SGCZ: variants seen among roughly 807,000 people sequenced by gnomAD.
SGCZ encodes sarcoglycan zeta.
A neutral mutation model predicts 41.3 loss-of-function variants in SGCZ; 40 were observed. The observed-to-expected ratio is 0.97, with a 90% confidence interval of 0.75 to 1.26. SGCZ has a LOEUF of 1.26. SGCZ is among the 50% of genes most tolerant of loss of function. The pLI is 0.00. For synonymous variants in SGCZ, 206 were observed against 137.5 expected (o/e 1.50, Z -3.49); for missense variants, 552 against 369.8 (o/e 1.49, Z -4.04).
chr8:15,216,223 CTTTT>C (rs34383864), intron 1 of SGCZ, among the ~76,000 whole-genome samples: 1 of 125,934 alleles, frequency 7.9e-6, no homozygotes, highest in African/African-American at 3.0e-5. Flanking sequence ...CTTTTTTTTT[CTTTT>C]TTTTTTTTTT....
At chr8:14,816,981 TTTCA>T (rs1394426001) in intron 1 of SGCZ, among the ~76,000 whole-genome samples, 2 of 152,044 alleles carry the variant, frequency 1.3e-5, no homozygotes, top group Non-Finnish European at 2.9e-5. Context: ...GATACCAGAG[TTTCA>T]TTAAGAAACT....
chr8:14,790,058 G>A (rs1800898155), intron 1 of SGCZ, among the ~76,000 whole-genome samples: 1 of 152,038 alleles, frequency 6.6e-6, no homozygotes, highest in Admixed American at 6.6e-5. Context: ...CATATCAAAT[G>A]CCTTAGAAAA....
chr8:15,038,814 C>CAAAAAAAAAAAAAAA (rs58922339), intron 1 of SGCZ, among the ~76,000 whole-genome samples: 1 of 93,074 alleles, frequency 1.1e-5, no homozygotes, highest in Non-Finnish European at 2.2e-5. Flanking sequence ...TGACATTTCT[C>CAAAAAAAAAAAAAAA]AAAAAAAAAA....
chr8:14,876,738 TAAGA>T (rs1460217682), intron 1 of SGCZ, among the ~76,000 whole-genome samples: 4 of 152,100 alleles, frequency 2.6e-5, no homozygotes, highest in Non-Finnish European at 5.9e-5. Flanking sequence ...GAAACAGAAT[TAAGA>T]GAGAGGCAAG....
intron 2 of SGCZ, among the ~76,000 whole-genome samples, chr8:14,491,283 A>ACC (rs1801835504): frequency 9.2e-6 from 1 of 108,206 alleles, no homozygotes; most frequent in Non-Finnish European, 2.0e-5. Context: ...CCACCCACCC[A>ACC]CACACACACA....
intron 2 of SGCZ, among the ~76,000 whole-genome samples, chr8:14,507,210 T>C (rs1054109805): frequency 1.2e-4 from 18 of 151,498 alleles, no homozygotes; most frequent in African/African-American, 4.1e-4. Context: ...ATTCAAATAC[T>C]GCATAAGTAT....
intron 1 of SGCZ, among the ~76,000 whole-genome samples, chr8:14,695,831 C>T (rs777461075): frequency 3.3e-5 from 5 of 151,848 alleles, no homozygotes; most frequent in Non-Finnish European, 7.4e-5. Context: ...TGATGATTAA[C>T]ATATAATAAA....
intron 1 of SGCZ, among the ~76,000 whole-genome samples, chr8:15,220,630 A>C (rs1201576274): frequency 6.6e-6 from 1 of 152,176 alleles, no homozygotes; most frequent in Non-Finnish European, 1.5e-5. Flanking sequence ...CTAGAACTGG[A>C]AATACCATTT....
intron 1 of SGCZ, among the ~76,000 whole-genome samples, chr8:15,217,875 G>A (rs577486839): frequency 2.0e-5 from 3 of 152,258 alleles, no homozygotes; most frequent in Non-Finnish European, 4.4e-5. Flanking sequence ...ATCACTTGAG[G>A]TGAGGAGTTA....
intron 2 of SGCZ, among the ~76,000 whole-genome samples, chr8:14,469,389 T>G (rs545677373): frequency 6.6e-5 from 10 of 152,174 alleles, no homozygotes; most frequent in African/African-American, 2.2e-4. Flanking sequence ...TCAAATCCAA[T>G]CCCTCTCACA....
chr8:14,473,934 T>C (rs1371517251), intron 2 of SGCZ, among the ~76,000 whole-genome samples: 1 of 38,094 alleles, frequency 2.6e-5, no homozygotes, highest in Non-Finnish European at 5.4e-5. Flanking sequence ...CAAGACCCTG[T>C]CTCAAAAAAA....
intron 3 of SGCZ, among the ~76,000 whole-genome samples, chr8:14,314,658 G>C (rs1219271134): frequency 6.6e-6 from 1 of 152,132 alleles, no homozygotes; most frequent in Non-Finnish European, 1.5e-5. Flanking sequence ...AATGGTTTCA[G>C]TGTTTTCATC....
chr8:14,848,236 G>A (rs943113689), intron 1 of SGCZ, among the ~76,000 whole-genome samples: 13 of 152,110 alleles, frequency 8.5e-5, no homozygotes, highest in Non-Finnish European at 1.8e-4. Context: ...AGCCATAGCT[G>A]GTGTTAATGG....
At chr8:14,615,670 G>GT (rs1364523125) in intron 1 of SGCZ, among the ~76,000 whole-genome samples, 1 of 152,164 alleles carries the variant, frequency 6.6e-6, no homozygotes, top group African/African-American at 2.4e-5. Flanking sequence ...AGACAAAATT[G>GT]TAAGTATTAA....
intron 1 of SGCZ, among the ~76,000 whole-genome samples, chr8:14,718,687 T>G (rs1809778333): frequency 6.6e-6 from 1 of 151,830 alleles, no homozygotes; most frequent in South Asian, 2.1e-4. Flanking sequence ...GAAGATAAAT[T>G]CAAATGACAG....
At chr8:14,962,736 T>C (rs1029628322) in intron 1 of SGCZ, among the ~76,000 whole-genome samples, 15 of 152,198 alleles carry the variant, frequency 9.9e-5, no homozygotes, top group African/African-American at 3.6e-4. Flanking sequence ...ACAGCATGCT[T>C]AAACATGATA....
intron 2 of SGCZ, among the ~76,000 whole-genome samples, chr8:14,346,621 C>A (rs1802899157): frequency 6.6e-6 from 1 of 151,540 alleles, no homozygotes; most frequent in African/African-American, 2.4e-5. Context: ...TATCTTATCA[C>A]AAAATAAAAT....
intron 1 of SGCZ, among the ~76,000 whole-genome samples, chr8:15,143,264 C>T (rs554042320): frequency 6.6e-6 from 1 of 152,268 alleles, no homozygotes; most frequent in East Asian, 1.9e-4. Context: ...TGAGAGGAAC[C>T]TTATATATCG....
intron 1 of SGCZ, among the ~76,000 whole-genome samples, chr8:14,731,608 C>T (rs969607055): frequency 2.6e-5 from 4 of 152,144 alleles, no homozygotes; most frequent in South Asian, 4.1e-4. Context: ...TTTCAGTAAT[C>T]ATGTTTTACC....
Sources: allele counts gnomAD v4.1 joint callset (sites outside exome capture counted in the v4.1 genomes callset), GRCh38; gene constraint gnomAD v4.1.1; transcripts MANE v1.5; gene names NCBI Gene and HGNC (gene_info 2026-07-23, HGNC 2026-07-21).